Variants in ADAM32 observed in about 807,000 individuals in gnomAD.
ADAM32 encodes the protein ADAM metallopeptidase domain 32.
A neutral mutation model predicts 114.9 loss-of-function variants in ADAM32; 89 were observed. The observed-to-expected ratio is 0.77, with a 90% confidence interval of 0.65 to 0.92. The LOEUF (loss-of-function observed/expected upper bound fraction) is 0.92. ADAM32 is among the 40% of genes least tolerant of loss of function. The probability of loss-of-function intolerance (pLI) is 0.00; values close to 1 mark genes in which losing one functional copy is unlikely to be tolerated. For synonymous variants in ADAM32, 285 were observed against 307.5 expected (o/e 0.93, Z 0.77); for missense variants, 870 against 932.8 (o/e 0.93, Z 0.88).
intron 23 of ADAM32, 97 bp downstream of exon 23, chr8:39,281,271 GC>G: frequency 1.6e-6 from 1 of 626,868 alleles, no homozygotes; most frequent in Non-Finnish European, 2.4e-6. Context: ...CATTTTTTGA[GC>G]AGCCACAATC....
In ADAM32 at chr8:39,219,115, G is replaced by A. The variant is rs139435582; in HGVS notation, c.1234-2495G>A. Among the ~76,000 whole-genome samples, 395 of 152,160 alleles carry A rather than the reference G, an allele frequency of 2.6e-3. 1 individual carries two copies. Among genetic ancestry groups the A allele is most frequent in the South Asian group, 5.2e-3 (25 of 4,796 alleles). ...CTGATCAGTGCCCTATCTTATTGTG[G>A]CTGATCTGGTATCCAAGATGCAAGA... On this transcript the variant is annotated intron_variant, in intron 12 of 24. Coordinates refer to ENST00000379907, the MANE Select transcript of ADAM32 (RefSeq NM_145004.7).
At chr8:39,177,940 A>ATT (rs575042318) in intron 10 of ADAM32, among the ~76,000 whole-genome samples, 1 of 143,652 alleles carries the variant, frequency 7.0e-6, no homozygotes, top group Non-Finnish European at 1.5e-5. Context: ...CTGCCTTAAC[A>ATT]TTTTTTTTTT....
chr8:39,160,713 ATCT>A (rs1318995815), intron 6 of ADAM32, among the ~76,000 whole-genome samples, 181 bp from the exon 7 acceptor site: 1 of 152,198 alleles, frequency 6.6e-6, no homozygotes, highest in Non-Finnish European at 1.5e-5. Flanking sequence ...TTCATGGGCA[ATCT>A]TCTAACTACT....
intron 12 of ADAM32, among the ~76,000 whole-genome samples, chr8:39,214,879 A>AG (rs1808459735): frequency 6.6e-6 from 1 of 151,924 alleles, no homozygotes; most frequent in Admixed American, 6.6e-5. Flanking sequence ...GGTGAGAGGG[A>AG]GGGGTCTAGT....
chr8:39,273,449 C>T (rs1812865713), intron 20 of ADAM32, among the ~76,000 whole-genome samples: 1 of 152,114 alleles, frequency 6.6e-6, no homozygotes, highest in South Asian at 2.1e-4. Flanking sequence ...ATCGCTTGAG[C>T]CCAGGATGCA....
At chr8:39,130,848 T>G (rs1046112492) in intron 2 of ADAM32, 3 of 457,064 alleles carry the variant, frequency 6.6e-6, no homozygotes, top group African/African-American at 4.0e-5. Context: ...GAAAAGAATA[T>G]GAATTCTGCA....
At chr8:39,196,959 G>T (rs1001555055) in intron 11 of ADAM32, among the ~76,000 whole-genome samples, 3 of 152,008 alleles carry the variant, frequency 2.0e-5, no homozygotes, top group African/African-American at 7.2e-5. Flanking sequence ...TAGCAGTAAA[G>T]TCATGTGGTT....
chr8:39,136,913 G>A (rs964782666), intron 3 of ADAM32, among the ~76,000 whole-genome samples, 195 bp downstream of exon 3: 6 of 152,088 alleles, frequency 3.9e-5, no homozygotes, highest in Admixed American at 6.5e-5. Flanking sequence ...ATGGGAGTTA[G>A]GACAAAAAAC....
At chr8:39,143,494 G>T (rs1040351363) in intron 3 of ADAM32, among the ~76,000 whole-genome samples, 1 of 152,166 alleles carries the variant, frequency 6.6e-6, no homozygotes, top group African/African-American at 2.4e-5. Context: ...GGAGTTTGCT[G>T]TAGGTCCACT....
intron 16 of ADAM32, among the ~76,000 whole-genome samples, chr8:39,234,808 A>G (rs1324613740): frequency 6.6e-6 from 1 of 152,238 alleles, no homozygotes; most frequent in Middle Eastern, 3.2e-3. Flanking sequence ...GAAGTAGAAC[A>G]CAACATCCAA....
chr8:39,169,782 G>T, intron 9 of ADAM32, 134 bp from the exon 10 acceptor site: 1 of 550,312 alleles, frequency 1.8e-6, no homozygotes, highest in South Asian at 3.3e-5. Context: ...AACAATTGAG[G>T]ACATATGGAA....
At chr8:39,236,771 T>G (rs1233599918) in intron 16 of ADAM32, among the ~76,000 whole-genome samples, 1 of 152,030 alleles carries the variant, frequency 6.6e-6, no homozygotes, top group Non-Finnish European at 1.5e-5. Flanking sequence ...AAGAAAAAAA[T>G]TAAAATATTT....
chr8:39,134,450 G>A (rs978721495), intron 2 of ADAM32, among the ~76,000 whole-genome samples: 6 of 152,182 alleles, frequency 3.9e-5, no homozygotes, highest in African/African-American at 1.4e-4. Flanking sequence ...CTGGCTCTCA[G>A]CCAATCCTGG....
intron 7 of ADAM32, among the ~76,000 whole-genome samples, chr8:39,161,394 G>A (rs987191846): frequency 3.9e-5 from 6 of 152,146 alleles, no homozygotes; most frequent in African/African-American, 1.4e-4. Flanking sequence ...TCACTAATGT[G>A]TCAAGAAGTT....
chr8:39,156,139 A>C (rs774508946), intron 6 of ADAM32, among the ~76,000 whole-genome samples: 25 of 152,180 alleles, frequency 1.6e-4, no homozygotes, highest in Non-Finnish European at 2.6e-4. Context: ...CAAAAATATA[A>C]TAATAGTATC....
At chr8:39,221,530 G>A in intron 12 of ADAM32, 80 bp from the exon 13 acceptor site, 1 of 1,071,172 alleles carries the variant, frequency 9.3e-7, no homozygotes, top group Non-Finnish European at 1.4e-6. Context: ...CAAACAGTAA[G>A]CCCATCAAAA....
At position 39,162,333 on chromosome 8, in the gene ADAM32, C is replaced by T. The variant is rs544188470; in HGVS notation, c.594+1368C>T. 2.0e-5 allele frequency among the ~76,000 whole-genome samples: 3 copies of T among 152,164 alleles called. No individual in the cohort carries two copies. In the South Asian group the frequency reaches 6.2e-4, roughly 32 times the overall value. On this transcript the variant is annotated intron_variant, in intron 7 of 24. Transcript: ENST00000379907. ...GCTTCATTCATGTCCCTACAAAGGA[C>T]ATGAACTCATCATTTTTTATGGCTG...
At chr8:39,188,912 TGTTA>T (rs1369332101) in intron 11 of ADAM32, among the ~76,000 whole-genome samples, 2 of 152,180 alleles carry the variant, frequency 1.3e-5, no homozygotes, top group African/African-American at 2.4e-5. Flanking sequence ...TCACACATTA[TGTTA>T]GTTCTCAAAG....
chr8:39,107,558 G>A, upstream of ADAM32: 6 of 1,331,326 alleles, frequency 4.5e-6, no homozygotes, highest in African/African-American at 1.5e-5. Context: ...CGGCTGGGGT[G>A]CGCCGGGAAG....
Sources: allele counts gnomAD v4.1 joint callset (sites outside exome capture counted in the v4.1 genomes callset), GRCh38; gene constraint gnomAD v4.1.1; transcripts MANE v1.5; gene names NCBI Gene and HGNC (gene_info 2026-07-23, HGNC 2026-07-21).